SEMA4F: variants seen among roughly 807,000 people sequenced by gnomAD.
SEMA4F encodes the protein semaphorin-4F.
Under a neutral mutation model 78.4 loss-of-function variants are expected in SEMA4F, and 51 were observed. The observed-to-expected ratio is 0.65, with a 90% CI of 0.52 to 0.82. SEMA4F has a LOEUF of 0.82. SEMA4F is among the 40% of genes least tolerant of loss of function. SEMA4F has a pLI of 0.00. For synonymous variants in SEMA4F, 418 were observed against 408.7 expected, an observed-to-expected ratio of 1.02 and a Z score of -0.27; for missense variants, 938 against 1,014.4, an observed-to-expected ratio of 0.92 and a Z score of 1.02.
At chr2:74,679,219 G>GA in intron 12 of SEMA4F, 57 bp from the exon 13 acceptor site, 1 of 1,254,042 alleles carries the variant, frequency 8.0e-7, no homozygotes, top group Non-Finnish European at 1.2e-6. Flanking sequence ...CAGTAATACT[G>GA]AGGGGGGTTG....
At chr2:74,685,809 A>C (rs1291007345), downstream of SEMA4F, among the ~76,000 whole-genome samples, 1 of 152,198 alleles carries the variant, frequency 6.6e-6, no homozygotes, top group African/African-American at 2.4e-5. Flanking sequence ...TTTGCAACCT[A>C]TCCATCTGAC....
intron 12 of SEMA4F, among the ~76,000 whole-genome samples, chr2:74,678,504 T>C (rs1371945305): frequency 6.6e-6 from 1 of 152,216 alleles, no homozygotes; most frequent in Non-Finnish European, 1.5e-5. Context: ...CAATTCATAT[T>C]GAAGGAGTTC....
chr2:74,666,734 A>G (rs1274322362), intron 5 of SEMA4F, among the ~76,000 whole-genome samples: 1 of 152,236 alleles, frequency 6.6e-6, no homozygotes, highest in African/African-American at 2.4e-5. Flanking sequence ...TAGTGGTAAC[A>G]TTATATAATC....
At position 74,654,252 on chromosome 2, in the gene SEMA4F, A is replaced by G; in HGVS notation, c.-125A>G. Reference sequence around the variant, plus strand: ...AGGGGGCGGAGCCGGGCGGTGTTTCATCCCTCAGCCTCAGGCTGAGCCGGA... The same window carrying G: ...AGGGGGCGGAGCCGGGCGGTGTTTCGTCCCTCAGCCTCAGGCTGAGCCGGA... On this transcript the variant is annotated 5_prime_UTR_variant, in exon 1 of 14. Coordinates refer to ENST00000357877, the MANE Select transcript of SEMA4F (RefSeq NM_004263.5). The G allele has an allele frequency of 1.7e-6, 2 of 1,151,006 alleles. No homozygotes were observed. Among genetic ancestry groups the G allele is most frequent in the Non-Finnish European group, 2.3e-6 (2 of 880,328 alleles). The allele number at this position is 1,151,006 out of a possible 1,614,324, so 71.3% of individuals were successfully genotyped here.
chr2:74,686,510 C>T (rs1476236374), downstream of SEMA4F, among the ~76,000 whole-genome samples: 1 of 152,174 alleles, frequency 6.6e-6, no homozygotes, highest in African/African-American at 2.4e-5. Context: ...CCATTTGACC[C>T]AGCCATCCCA....
chr2:74,675,720 T>C (rs1685240579), intron 11 of SEMA4F, 29 bp from the exon 12 acceptor site: 3 of 1,613,602 alleles, frequency 1.9e-6, no homozygotes, highest in African/African-American at 1.3e-5. Flanking sequence ...AGATCCAGTG[T>C]ATTCCCCTTC....
the SEMA4F span, among the ~76,000 whole-genome samples, chr2:74,704,555 TAG>T: frequency 6.6e-6 from 1 of 151,936 alleles, no homozygotes; most frequent in Non-Finnish European, 1.5e-5. Context: ...ATGTAGAGTA[TAG>T]CACCAATAAT....
At chr2:74,693,292 C>T in the SEMA4F span, among the ~76,000 whole-genome samples, 8 of 152,156 alleles carry the variant, frequency 5.3e-5, no homozygotes, top group African/African-American at 1.9e-4. Context: ...GAAAATAATA[C>T]ATTTGTTTCT....
the SEMA4F span, among the ~76,000 whole-genome samples, chr2:74,693,202 TATC>T: frequency 6.6e-6 from 1 of 152,386 alleles, no homozygotes; most frequent in East Asian, 1.9e-4. Flanking sequence ...TGTTATTCTA[TATC>T]ATCATCCTGC....
At chr2:74,671,416 C>T (rs1217166981) in intron 5 of SEMA4F, among the ~76,000 whole-genome samples, 1 of 152,200 alleles carries the variant, frequency 6.6e-6, no homozygotes, top group Non-Finnish European at 1.5e-5. Flanking sequence ...CTCTCTGCTG[C>T]TTCCCCCAGT....
chr2:74,677,624 A>G (rs1379236816), intron 12 of SEMA4F, among the ~76,000 whole-genome samples: 2 of 152,228 alleles, frequency 1.3e-5, no homozygotes, highest in Non-Finnish European at 2.9e-5. Flanking sequence ...GAGATCTTCC[A>G]GTAAAGTATT....
chr2:74,680,113 A>T lies in SEMA4F; in HGVS notation c.2217A>T (p.Gly739=). Residue 739 remains glycine, a synonymous_variant, in exon 14 of 14, where the codon GGA becomes GGT. Transcript: ENST00000357877. ...CCAAGAGGGGCAGTGGCTTTGGTGG[A>T]TTCTCACCACCCTTCCTGCTTGATC... ...ALAKRGSGFG[G]FSPPFLLDPC... The T allele has an allele frequency of 6.2e-7, 1 of 1,613,412 alleles. No individual in the cohort carries two copies. Among genetic ancestry groups the T allele is most frequent in the South Asian group, 1.1e-5 (1 of 91,058 alleles).
chr2:74,700,111 G>T, the SEMA4F span, among the ~76,000 whole-genome samples: 1 of 152,124 alleles, frequency 6.6e-6, no homozygotes, highest in Non-Finnish European at 1.5e-5. Flanking sequence ...GAGGAAGAGC[G>T]TTGGGGGCAT....
At chr2:74,708,245 C>G in the SEMA4F span, among the ~76,000 whole-genome samples, 1 of 152,046 alleles carries the variant, frequency 6.6e-6, no homozygotes, top group Admixed American at 6.6e-5. Context: ...ATTTAACACC[C>G]AGCAAAGTAC....
At position 74,673,818 on chromosome 2, in the gene SEMA4F, G is replaced by A. The variant is rs764330446; in HGVS notation, c.812G>A (p.Arg271His). The part of the protein sequence containing the change: ...YERIKVPRVA[R>H]VCAGDLGGRK... ...CGCATTAAAGTCCCACGGGTGGCCC[G>A]TGTGTGTGCGGTGAGACCCCATCCC... Residue 271 changes from arginine (R) to histidine (H), a missense_variant, in exon 7 of 14, where the codon CGT (arginine) becomes CAT (histidine). Arg to His is a conservative substitution (Grantham distance 29). Coordinates refer to ENST00000357877, the MANE Select transcript of SEMA4F (RefSeq NM_004263.5). The A allele has an allele frequency of 9.3e-6, 15 of 1,613,182 alleles. No individual in the cohort carries two copies. Among genetic ancestry groups the A allele is most frequent in the East Asian group, 2.2e-5 (1 of 44,884 alleles).
At chr2:74,657,514 G>A (rs747678224) in intron 2 of SEMA4F, 51 bp from the exon 3 acceptor site, 1 of 1,526,748 alleles carries the variant, frequency 6.5e-7, no homozygotes, top group East Asian at 2.2e-5. Flanking sequence ...AACATCGAGG[G>A]AGTTTGATGT....
chr2:74,691,952 C>T, the SEMA4F span, among the ~76,000 whole-genome samples: 2 of 152,212 alleles, frequency 1.3e-5, no homozygotes, highest in East Asian at 3.9e-4. Flanking sequence ...TTGGAATGCT[C>T]CTGTCGGGGG....
In SEMA4F at chr2:74,656,589, TCTC is replaced by T; in HGVS notation, c.204_206del (p.Leu69del). 1 of 1,614,122 alleles carries T rather than the reference TCTC, an allele frequency of 6.2e-7. No homozygotes were observed. The highest frequency in any genetic ancestry group is 8.5e-7 in the Non-Finnish European group (1 of 1,180,000). On this transcript the variant is annotated inframe_deletion, in exon 2 of 14. Coordinates refer to ENST00000357877, the MANE Select transcript of SEMA4F (RefSeq NM_004263.5). ...TCCCTCACACATACAATTACTCTGTTCTCCTTGTGGATCCTGCCTCCCACACAC... is the reference window on the plus strand; with the variant it reads ...TCCCTCACACATACAATTACTCTGTTCTTGTGGATCCTGCCTCCCACACAC...
chr2:74,707,939 T>A, the SEMA4F span, among the ~76,000 whole-genome samples: 5 of 151,958 alleles, frequency 3.3e-5, no homozygotes, highest in Admixed American at 2.6e-4. Context: ...AGCACATGTG[T>A]GTGAGGAAAC....
Sources: gnomAD v4.1 joint callset for allele counts (sites outside exome capture counted in the v4.1 genomes callset) on GRCh38, gnomAD v4.1.1 for gene constraint, MANE v1.5 for transcripts, NCBI Gene and HGNC (gene_info 2026-07-23, HGNC 2026-07-21) for gene names.